Variants in SNTG1 observed in about 807,000 individuals in gnomAD.
The protein encoded by SNTG1 is gamma-1-syntrophin.
In SNTG1, 39 loss-of-function variants were observed where a neutral mutation model predicts 74.7. That is an observed-to-expected ratio of 0.52 (90% CI 0.40 to 0.68). The LOEUF (loss-of-function observed/expected upper bound fraction) is 0.68, where lower values mean the gene tolerates loss of function less well. Ranked by LOEUF, SNTG1 falls within the 30% of genes least tolerant of loss-of-function variation. The pLI, the probability that SNTG1 is intolerant of heterozygous loss-of-function variation, is 0.00. For missense variants in SNTG1, 685 were observed against 609.5 expected (o/e 1.12, Z -1.30); for synonymous variants, 254 against 217.1 (o/e 1.17, Z -1.49).
At chr8:50,760,875 C>T (rs769137048) in intron 18 of SNTG1, among the ~76,000 whole-genome samples, 2 of 151,782 alleles carry the variant, frequency 1.3e-5, no homozygotes, top group African/African-American at 2.4e-5. Context: ...ATTGAGGCAG[C>T]AATTAATAGC....
intron 2 of SNTG1, among the ~76,000 whole-genome samples, chr8:50,311,649 T>A (rs1868639): frequency 0.47 from 71,566 of 152,160 alleles, 19,414 homozygotes; most frequent in East Asian, 0.83. Context: ...AATCTTAAAT[T>A]GTTATCCACT....
chr8:50,550,156 A>G (rs1288316815), intron 11 of SNTG1, among the ~76,000 whole-genome samples: 1 of 152,102 alleles, frequency 6.6e-6, no homozygotes, highest in Non-Finnish European at 1.5e-5. Flanking sequence ...GTCTAATAGG[A>G]CCACCCAAGC....
chr8:50,784,199 G>C (rs72645849), intron 18 of SNTG1, among the ~76,000 whole-genome samples: 1 of 152,008 alleles, frequency 6.6e-6, no homozygotes, highest in African/African-American at 2.4e-5. Flanking sequence ...ATTTCCTTAC[G>C]TTTGTTTTAC....
chr8:50,382,425 T>C (rs367871102), intron 2 of SNTG1: 42 of 152,180 alleles, frequency 2.8e-4, no homozygotes, highest in African/African-American at 8.9e-4. Context: ...ACTAGAGTTA[T>C]TTGGATACAA....
chr8:50,142,792 A>G (rs1291159339), intron 1 of SNTG1, among the ~76,000 whole-genome samples: 1 of 152,102 alleles, frequency 6.6e-6, no homozygotes, highest in Non-Finnish European at 1.5e-5. Flanking sequence ...AAAGTCCATG[A>G]CCAGTGTGGT....
intron 5 of SNTG1, among the ~76,000 whole-genome samples, chr8:50,439,237 A>G (rs1160904612): frequency 6.6e-6 from 1 of 152,142 alleles, no homozygotes; most frequent in Non-Finnish European, 1.5e-5. Context: ...AAAGCATAGG[A>G]AATTATGTAA....
At position 50,114,013 on chromosome 8, in the gene SNTG1, C is replaced by A. The variant is rs113732956; in HGVS notation, c.-102-58548C>A. On this transcript the variant is annotated intron_variant, in intron 1 of 18. Coordinates refer to ENST00000642720, the MANE Select transcript of SNTG1 (RefSeq NM_018967.5). Reference sequence around the variant, plus strand: ...TAGAAAAAATCTAATCACAAAACGACGTTTGACAAGATTATGTGATCTTTA... The same window carrying A: ...TAGAAAAAATCTAATCACAAAACGAAGTTTGACAAGATTATGTGATCTTTA... 7.2e-5 allele frequency among the ~76,000 whole-genome samples: 11 copies of A among 151,996 alleles called. 1 individual carries two copies. Among genetic ancestry groups the A allele is most frequent in the African/African-American group, 2.4e-4 (10 of 41,512 alleles).
At chr8:50,000,152 C>G (rs538477633) in intron 1 of SNTG1, among the ~76,000 whole-genome samples, 1 of 152,242 alleles carries the variant, frequency 6.6e-6, no homozygotes, top group Admixed American at 6.5e-5. Flanking sequence ...GTCATCTTTT[C>G]ATACTGCAAG....
chr8:50,640,230 T>C (rs949138081), intron 13 of SNTG1, among the ~76,000 whole-genome samples: 1 of 152,124 alleles, frequency 6.6e-6, no homozygotes, highest in African/African-American at 2.4e-5. Flanking sequence ...CTTTTCTTGA[T>C]TTCCTCTATT....
At chr8:50,096,435 G>A (rs2079933283) in intron 1 of SNTG1, among the ~76,000 whole-genome samples, 1 of 152,122 alleles carries the variant, frequency 6.6e-6, no homozygotes, top group Non-Finnish European at 1.5e-5. Context: ...GGAGGCGATG[G>A]GGAATTTGTC....
At chr8:50,255,955 C>T (rs1459186830) in intron 2 of SNTG1, among the ~76,000 whole-genome samples, 1 of 152,174 alleles carries the variant, frequency 6.6e-6, no homozygotes, top group Non-Finnish European at 1.5e-5. Flanking sequence ...CCTATAAGAC[C>T]TATCACAAGG....
chr8:50,591,242 C>T (rs971446799), intron 13 of SNTG1, among the ~76,000 whole-genome samples: 2 of 152,032 alleles, frequency 1.3e-5, no homozygotes, highest in East Asian at 3.9e-4. Flanking sequence ...GGGAGACCTA[C>T]TTTTAATTTA....
chr8:50,236,325 G>C (rs1383722501), intron 2 of SNTG1, among the ~76,000 whole-genome samples: 1 of 151,990 alleles, frequency 6.6e-6, no homozygotes, highest in South Asian at 2.1e-4. Flanking sequence ...TCTAATTAGT[G>C]TCTTAGTGAC....
chr8:49,974,340 T>C (rs983805911), intron 1 of SNTG1, among the ~76,000 whole-genome samples: 3 of 152,230 alleles, frequency 2.0e-5, no homozygotes, highest in African/African-American at 7.2e-5. Flanking sequence ...TGCCTTCATA[T>C]ATTTTATTTG....
intron 12 of SNTG1, among the ~76,000 whole-genome samples, chr8:50,589,115 C>T (rs748482337): frequency 2.2e-4 from 33 of 151,884 alleles, no homozygotes; most frequent in African/African-American, 6.5e-4. Flanking sequence ...ATTTTTGAGC[C>T]GTGGTAGGAA....
intron 11 of SNTG1, among the ~76,000 whole-genome samples, chr8:50,541,082 A>G (rs1034756018): frequency 3.3e-5 from 5 of 151,984 alleles, no homozygotes; most frequent in Admixed American, 3.3e-4. Flanking sequence ...GCTTTTTATA[A>G]TTAAACCTTT....
At chr8:50,417,670 C>T (rs2093031450) in intron 4 of SNTG1, among the ~76,000 whole-genome samples, 1 of 152,144 alleles carries the variant, frequency 6.6e-6, no homozygotes, top group Non-Finnish European at 1.5e-5. Flanking sequence ...ATCAACTTCT[C>T]TCTCCAAGTG....
intron 15 of SNTG1, among the ~76,000 whole-genome samples, chr8:50,685,835 T>C (rs1038565490): frequency 6.6e-6 from 1 of 152,176 alleles, no homozygotes; most frequent in Non-Finnish European, 1.5e-5. Flanking sequence ...CTGGTGAGCA[T>C]GTTTTCATTT....
At chr8:50,728,682 G>A (rs1202222561) in intron 17 of SNTG1, among the ~76,000 whole-genome samples, 3 of 152,080 alleles carry the variant, frequency 2.0e-5, no homozygotes, top group Non-Finnish European at 4.4e-5. Flanking sequence ...TGTGTGGCCC[G>A]CATTTGTTAA....
Sources: allele counts gnomAD v4.1 joint callset (sites outside exome capture counted in the v4.1 genomes callset), GRCh38; gene constraint gnomAD v4.1.1; transcripts MANE v1.5; gene names NCBI Gene and HGNC (gene_info 2026-07-23, HGNC 2026-07-21).